FAT1: variants seen among roughly 807,000 people sequenced by gnomAD.
FAT1 encodes FAT atypical cadherin 1, also known as protocadherin Fat 1.
Under a neutral mutation model 329.8 loss-of-function variants are expected in FAT1, and 171 were observed. The observed-to-expected ratio is 0.52, with a 90% CI of 0.46 to 0.59. The LOEUF is 0.59. Among genes scored for constraint, FAT1 ranks in the 20% least tolerant of loss-of-function variants. The probability of loss-of-function intolerance (pLI) is 0.00; values close to 1 mark genes in which losing one functional copy is unlikely to be tolerated. For missense variants in FAT1, 5,672 were observed against 5,774.4 expected, an observed-to-expected ratio of 0.98 and a Z score of 0.57; for synonymous variants, 2,233 against 2,228.6, an observed-to-expected ratio of 1.00 and a Z score of -0.06.
chr4:186,630,740 T>C (rs150957225), intron 7 of FAT1, among the ~76,000 whole-genome samples: 2 of 152,166 alleles, frequency 1.3e-5, no homozygotes, highest in East Asian at 3.9e-4. Context: ...GATGAGAACA[T>C]GGACACACAG....
Position 186,591,504 on chromosome 4 carries a change from T to C in FAT1, c.13139-2284A>G, listed in dbSNP as rs764029546. ...TCAACAACTTTTGTTACGTAGGCAC[T>C]AGTAATAGCTTTCAACTTTAAATTC... is the stretch of plus-strand genomic sequence containing the variant. On this transcript the variant is annotated intron_variant, in intron 26 of 26. Transcript: ENST00000441802. Among the ~76,000 whole-genome samples the C allele has an allele frequency of 5.9e-5, 9 of 152,366 alleles. No homozygotes were observed. The South Asian group carries it at 1.2e-3, about 21-fold the overall frequency.
Position 186,600,236 on chromosome 4 carries a change from T to TA in FAT1, c.11764dup (p.Tyr3922LeufsTer27), listed in dbSNP as rs1560921743. The TA allele has an allele frequency of 6.2e-7, 1 of 1,614,018 alleles. No homozygotes were observed. The highest frequency in any genetic ancestry group is 1.7e-5 in the Admixed American group (1 of 60,024). On this transcript the variant is annotated frameshift_variant, in exon 22 of 27. Coordinates refer to ENST00000441802, the MANE Select transcript of FAT1 (RefSeq NM_005245.4). LOFTEE classifies it high-confidence loss of function. ...AACTTGGTCTAGAACCAAGCGAGCA[T>TA]AGTTTCCATTCACTTCCAGGGCCAC...
Position 186,628,527 on chromosome 4 carries a change from C to T in FAT1, c.4560G>A (p.Leu1520=). 19 of 1,613,988 alleles carry T rather than the reference C, an allele frequency of 1.2e-5. No homozygotes were observed. Among genetic ancestry groups the T allele is most frequent in the Non-Finnish European group, 1.6e-5 (19 of 1,179,888 alleles). Residue 1520 remains leucine (L), a synonymous_variant, in exon 8 of 27, where the codon CTG becomes CTA. Transcript: ENST00000441802. ...ATGSLYTSEK[L]DHEAVHQHTL... ...TGTGCTGGTGAACAGCTTCATGATC[C>T]AGTTTCTCAGAAGTATAGAGAGAGC...
intron 1 of FAT1, among the ~76,000 whole-genome samples, chr4:186,713,405 T>C (rs1037516751): frequency 1.3e-5 from 2 of 151,292 alleles, no homozygotes; most frequent in African/African-American, 2.4e-5. Context: ...GTAGAGTCGT[T>C]TCCACCACAC....
chr4:186,714,818 G>A (rs887880327), intron 1 of FAT1, among the ~76,000 whole-genome samples: 3 of 152,226 alleles, frequency 2.0e-5, no homozygotes, highest in African/African-American at 7.2e-5. Flanking sequence ...GGTGGCTCAC[G>A]CCTGTAATCC....
Position 186,606,124 on chromosome 4 carries a change from A to G in FAT1, c.10296T>C (p.Asp3432=), listed in dbSNP as rs574109939. The change falls in exon 17 of 27, where the codon GAT becomes GAC. Residue 3432 remains aspartate, a synonymous_variant. Coordinates refer to ENST00000441802, the MANE Select transcript of FAT1 (RefSeq NM_005245.4). ...AGAAGACGGGCGCGTTGTCATTGACATCGGACACATCGATGTTCACGGTCG... is the reference window on the plus strand; with the variant it reads ...AGAAGACGGGCGCGTTGTCATTGACGTCGGACACATCGATGTTCACGGTCG... ...NTTTVNIDVS[D]VNDNAPVFSR... is the part of the protein sequence containing the mutation. 1.4e-4 allele frequency: 222 copies of G among 1,613,416 alleles called. No individual in the cohort carries two copies. The East Asian group carries it at 4.9e-3, about 35-fold the overall frequency.
At chr4:186,628,034 AT>A in intron 9 of FAT1, 119 bp downstream of exon 9, 1 of 1,107,610 alleles carries the variant, frequency 9.0e-7, no homozygotes, top group South Asian at 1.5e-5. Context: ...CTAGAGATCA[AT>A]TTAAGCCATT....
intron 9 of FAT1, among the ~76,000 whole-genome samples, chr4:186,624,173 T>TG (rs1397448094): frequency 7.5e-6 from 1 of 132,582 alleles, no homozygotes; most frequent in East Asian, 2.0e-4. Flanking sequence ...TGTACGAGGC[T>TG]GGGGGCTTAT....
In FAT1 at chr4:186,707,936, A is replaced by G. The variant is rs1744718226; in HGVS notation, c.1892T>C (p.Met631Thr). The G allele has an allele frequency of 3.7e-6, 6 of 1,613,918 alleles. No individual in the cohort carries two copies. In the African/African-American group the frequency reaches 5.3e-5, roughly 14 times the overall value. ...AGACACCTTTGCACCTAAGCCATCC[A>G]TTAGCGATCGCTTTAATGACAATAC... ...SGVLSLKRSL[M>T]DGLGAKVSFH... The change falls in exon 2 of 27, where the codon ATG (methionine) becomes ACG (threonine). Residue 631 changes from methionine to threonine, a missense_variant. Physicochemically the swap from Met to Thr is moderately conservative, Grantham distance 81. This residue lies in a region of FAT1 where 3,966 missense variants were observed against 3,915.2 expected (regional missense o/e 1.01). Transcript: ENST00000441802.
In FAT1 at chr4:186,596,619, G is replaced by T; in HGVS notation, c.12921C>A (p.Asn4307Lys). Residue 4307 changes from asparagine (N) to lysine (K), a missense_variant, in exon 25 of 27, where the codon AAC (asparagine) becomes AAA (lysine). This residue lies in a region of FAT1 where 1,706 missense variants were observed against 1,859.1 expected (regional missense o/e 0.92). Transcript: ENST00000441802. The surrounding 1 kb of genome is among the most constrained non-coding windows in gnomAD (Gnocchi z 4.7). ...AGTTTGAAGGGGGTGGGGGAGGCAG[G>T]TTTGGCGCCACGCTGCAGACCGCCA... ...KAVAVCSVAP[N>K]LPPPPPSNSP... is the part of the protein sequence containing the mutation. 1 of 1,611,598 alleles carries T rather than the reference G, an allele frequency of 6.2e-7. No homozygotes were observed. The highest frequency in any genetic ancestry group is 8.5e-7 in the Non-Finnish European group (1 of 1,178,914).
At chr4:186,662,981 C>T (rs1406269516) in intron 3 of FAT1, among the ~76,000 whole-genome samples, 3 of 151,982 alleles carry the variant, frequency 2.0e-5, no homozygotes, top group Non-Finnish European at 1.5e-5. Context: ...GGACTACAGG[C>T]GCCCGCCACC....
Position 186,709,042 on chromosome 4 carries a change from C to T in FAT1, c.786G>A (p.Leu262=). Residue 262 remains leucine, a synonymous_variant, in exon 2 of 27, where the codon TTG becomes TTA. Coordinates refer to ENST00000441802, the MANE Select transcript of FAT1 (RefSeq NM_005245.4). ...ECAPVITAVT[L]SPSELDRDPA... ...GGTCCCTGTCCAGTTCTGATGGTGA[C>T]AATGTCACTGCTGTTATCACCGGAG... The T allele has an allele frequency of 1.9e-6, 3 of 1,613,992 alleles. No individual in the cohort carries two copies. Among genetic ancestry groups the T allele is most frequent in the Non-Finnish European group, 2.5e-6 (3 of 1,179,880 alleles).
intron 3 of FAT1, among the ~76,000 whole-genome samples, chr4:186,644,970 G>A (rs949541602): frequency 2.0e-5 from 3 of 152,170 alleles, no homozygotes; most frequent in Non-Finnish European, 2.9e-5. Context: ...CTTTACATGT[G>A]AGAAACAGTA....
intron 9 of FAT1, among the ~76,000 whole-genome samples, chr4:186,624,158 AGGTCTG>A: frequency 1.5e-5 from 2 of 132,116 alleles, no homozygotes; most frequent in Non-Finnish European, 3.4e-5. Flanking sequence ...GTGGCAGAAA[AGGTCTG>A]TACGAGGCTG....
intron 25 of FAT1, 122 bp from the exon 26 acceptor site, chr4:186,595,948 C>A (rs950174593): frequency 5.7e-6 from 6 of 1,057,096 alleles, no homozygotes; most frequent in Non-Finnish European, 8.1e-6. Context: ...AAATGAATGA[C>A]TGAAAGAAAA....
chr4:186,689,353 A>G (rs1743636349), intron 2 of FAT1, among the ~76,000 whole-genome samples: 1 of 152,242 alleles, frequency 6.6e-6, no homozygotes, highest in Non-Finnish European at 1.5e-5. Context: ...TCAAAAAGAC[A>G]CATGATTTAC....
chr4:186,646,388 C>T (rs1741385908), intron 3 of FAT1, among the ~76,000 whole-genome samples: 2 of 152,152 alleles, frequency 1.3e-5, no homozygotes, highest in Non-Finnish European at 2.9e-5. Flanking sequence ...CATACACGTT[C>T]TAGAAAAGCA....
At chr4:186,629,685 CA>C (rs1225748625) in intron 7 of FAT1, among the ~76,000 whole-genome samples, 19 of 152,194 alleles carry the variant, frequency 1.2e-4, no homozygotes, top group Non-Finnish European at 2.6e-4. Context: ...TGGTGCAGGC[CA>C]TGAACAGAGG....
intron 2 of FAT1, among the ~76,000 whole-genome samples, chr4:186,665,704 C>A (rs1742405783): frequency 6.6e-6 from 1 of 152,074 alleles, no homozygotes; most frequent in African/African-American, 2.4e-5. Flanking sequence ...AATTAGATCC[C>A]ATTTGTCAAT....
Sources: allele counts gnomAD v4.1 joint callset (sites outside exome capture counted in the v4.1 genomes callset), GRCh38; gene constraint gnomAD v4.1.1; regional missense constraint gnomAD v4.1.1; non-coding constraint Gnocchi (gnomAD v3.1); transcripts MANE v1.5; gene names NCBI Gene and HGNC (gene_info 2026-07-23, HGNC 2026-07-21).